The following TRIP11 variants were observed in gnomAD, a reference collection of about 807,000 sequenced individuals.
The protein encoded by TRIP11 is thyroid receptor-interacting protein 11.
A neutral mutation model predicts 223.1 loss-of-function variants in TRIP11; 148 were observed. The ratio of observed to expected loss-of-function variants is 0.66; its 90% confidence interval spans 0.58 to 0.76. The LOEUF is 0.76. Ranked by LOEUF, TRIP11 falls within the 30% of genes least tolerant of loss-of-function variation. The pLI is 0.00. For synonymous variants in TRIP11, 762 were observed against 772.6 expected (o/e 0.99, Z 0.23); for missense variants, 2,043 against 2,222.0 (o/e 0.92, Z 1.62).
intron 16 of TRIP11, among the ~76,000 whole-genome samples, chr14:91,981,412 C>A (rs1391506539): frequency 2.0e-5 from 3 of 152,012 alleles, no homozygotes; most frequent in African/African-American, 7.3e-5. Flanking sequence ...TTTTTTTAGA[C>A]AGAGTCTCGC....
chr14:92,034,943 G>A (rs1016771548), intron 1 of TRIP11, among the ~76,000 whole-genome samples: 4 of 151,926 alleles, frequency 2.6e-5, no homozygotes, highest in African/African-American at 9.6e-5. Context: ...CCTTGGTTTT[G>A]TACATTTTCA....
chr14:92,011,887 TG>T, intron 7 of TRIP11, 92 bp from the exon 8 acceptor site: 1 of 1,179,070 alleles, frequency 8.5e-7, no homozygotes, highest in Admixed American at 1.8e-5. Flanking sequence ...CCAATTAAAG[TG>T]TATATAAGCA....
At chr14:91,976,608 G>C (rs2056468052) in intron 16 of TRIP11, among the ~76,000 whole-genome samples, 1 of 152,148 alleles carries the variant, frequency 6.6e-6, no homozygotes, top group Non-Finnish European at 1.5e-5. Flanking sequence ...GCCAGACTCT[G>C]TTTTTGGTGA....
intron 16 of TRIP11, among the ~76,000 whole-genome samples, chr14:91,977,831 G>A (rs370934324): frequency 1.0e-3 from 156 of 152,144 alleles, no homozygotes; most frequent in African/African-American, 3.6e-3. Flanking sequence ...AAAATGTCTC[G>A]TTTAACTGTT....
Position 91,999,394 on chromosome 14 carries a change from C to T in TRIP11, c.4738G>A (p.Glu1580Lys). 1.2e-6 allele frequency: 2 copies of T among 1,613,810 alleles called. No homozygotes were observed. Among genetic ancestry groups the T allele is most frequent in the South Asian group, 2.2e-5 (2 of 91,074 alleles). The change falls in exon 13 of 21, where the codon GAG becomes AAG. Residue 1580 changes from glutamate to lysine, a missense_variant. Coordinates refer to ENST00000267622, the MANE Select transcript of TRIP11 (RefSeq NM_004239.4). The part of the protein sequence containing the change: ...LRDKEFRSNQ[E>K]LERLRNHLLE... ...AGATGATTACGCAATCTCTCTAGCT[C>T]TTGGTTTGAACGAAATTCTTTGTCA...
Position 92,015,761 on chromosome 14 carries a change from C to T in TRIP11, c.758G>A (p.Arg253Gln), listed in dbSNP as rs755841850. The T allele has an allele frequency of 3.7e-6, 6 of 1,613,388 alleles. No homozygotes were observed. In the South Asian group the frequency reaches 4.4e-5, roughly 12 times the overall value. The change falls in exon 6 of 21, where the codon CGA (arginine) becomes CAA (glutamine). Residue 253 changes from arginine (R) to glutamine (Q), a missense_variant. By Grantham distance (43) the Arg-to-Gln change is conservative. Coordinates refer to ENST00000267622, the MANE Select transcript of TRIP11 (RefSeq NM_004239.4). ...ATAGTCACTTAATTCTTCTCGATGT[C>T]GTCGACTTATTTCTGTCAATTTCTG... The part of the protein sequence containing the change: ...HQQKLTEISR[R>Q]HREELSDYEE...
At chr14:92,033,448 C>T (rs1595414288) in intron 1 of TRIP11, among the ~76,000 whole-genome samples, 195 bp from the exon 2 acceptor site, 1 of 152,312 alleles carries the variant, frequency 6.6e-6, no homozygotes, top group East Asian at 1.9e-4. Flanking sequence ...TCATAAAAGT[C>T]ATTCTTTTTG....
intron 1 of TRIP11, among the ~76,000 whole-genome samples, chr14:92,034,528 AAAT>A (rs936408353): frequency 1.3e-5 from 2 of 152,224 alleles, no homozygotes; most frequent in African/African-American, 2.4e-5. Context: ...CAATACTATC[AAAT>A]AATAAGTGAC....
chr14:91,994,932 T>C (rs2056729708), intron 14 of TRIP11, among the ~76,000 whole-genome samples: 1 of 152,170 alleles, frequency 6.6e-6, no homozygotes. Flanking sequence ...CAAAGAACAA[T>C]AATTAATGAT....
intron 2 of TRIP11, among the ~76,000 whole-genome samples, chr14:92,027,467 A>G (rs1001044876): frequency 1.3e-5 from 2 of 151,890 alleles, no homozygotes; most frequent in South Asian, 2.1e-4. Flanking sequence ...TTTTTTGTCT[A>G]TGAAGTTGCT....
At chr14:91,987,259 A>T (rs1303994398) in intron 16 of TRIP11, among the ~76,000 whole-genome samples, 1 of 152,112 alleles carries the variant, frequency 6.6e-6, no homozygotes, top group Non-Finnish European at 1.5e-5. Context: ...TTGCCTCAGA[A>T]TCAAGTCATT....
In TRIP11 at chr14:91,975,201, G is replaced by C. The variant is rs1339960498; in HGVS notation, c.5428C>G (p.Leu1810Val). The C allele has an allele frequency of 6.2e-7, 1 of 1,613,674 alleles. No individual in the cohort carries two copies. Among genetic ancestry groups the C allele is most frequent in the South Asian group, 1.1e-5 (1 of 91,070 alleles). ...TCCATCTCCTCCCTTCTGACGCCCA[G>C]GATGCTCCCCATTAACCGTAACACT... Reference protein sequence around the residue: ...HEVLRLMGSILGVRREEMEQL... With the variant: ...HEVLRLMGSIVGVRREEMEQL... The change falls in exon 18 of 21, where the codon CTG becomes GTG. Residue 1810 changes from leucine to valine, a missense_variant. Transcript: ENST00000267622.
chr14:91,984,376 C>T (rs1595371673), intron 16 of TRIP11, among the ~76,000 whole-genome samples: 1 of 143,494 alleles, frequency 7.0e-6, no homozygotes, highest in African/African-American at 2.7e-5. Flanking sequence ...AGTGCAGTGG[C>T]GTGATCTCAA....
rs74073635 is a variant in TRIP11, at chr14:91,994,058, C to A, written c.5057-146G>T. On this transcript the variant is annotated intron_variant, in intron 14 of 20. Coordinates refer to ENST00000267622, the MANE Select transcript of TRIP11 (RefSeq NM_004239.4). The stretch of plus-strand genomic sequence containing the variant: ...TATATGCCTTAGTGATAATGTTAAG[C>A]GGTACTAAACTAATGAGATCACTTT... 127 of 653,914 alleles carry A rather than the reference C, an allele frequency of 1.9e-4. No homozygotes were observed. In the Middle Eastern group the frequency reaches 6.7e-3, roughly 34 times the overall value. 40.5% of individuals were successfully genotyped at this position (653,914 alleles called of 1,614,324 possible).
intron 13 of TRIP11, among the ~76,000 whole-genome samples, chr14:91,997,884 A>T (rs887522837): frequency 1.3e-5 from 2 of 152,208 alleles, no homozygotes; most frequent in Non-Finnish European, 2.9e-5. Context: ...GAGACTAGAA[A>T]CTATTTTAAT....
chr14:91,972,611 C>T lies in TRIP11; in HGVS notation c.5719+106G>A, dbSNP rs140415980. On this transcript the variant is annotated intron_variant, in intron 20 of 20. Transcript: ENST00000267622. The stretch of plus-strand genomic sequence containing the variant: ...ATTGGAATTCTGGAAGTCCTGATTA[C>T]ACATTTCCAAAAATACTAAAAATTT... The T allele has an allele frequency of 1.9e-5, 23 of 1,209,268 alleles. No homozygotes were observed. The East Asian group carries it at 5.2e-4, about 27-fold the overall frequency. The allele number at this position is 1,209,268 out of a possible 1,614,324, so 74.9% of individuals were successfully genotyped here.
intron 16 of TRIP11, among the ~76,000 whole-genome samples, chr14:91,976,862 A>C (rs889304853): frequency 6.6e-6 from 1 of 152,222 alleles, no homozygotes; most frequent in Non-Finnish European, 1.5e-5. Context: ...GAATTTAAGC[A>C]GTATTAAAGG....
intron 16 of TRIP11, among the ~76,000 whole-genome samples, chr14:91,979,766 C>T (rs926301010): frequency 6.6e-6 from 1 of 152,170 alleles, no homozygotes; most frequent in Non-Finnish European, 1.5e-5. Context: ...AAGGTCCCTA[C>T]AGATGCCTCT....
rs1363291734 is a variant in TRIP11 at position 92,005,640 on chromosome 14, T to C, written c.2336A>G (p.Lys779Arg). The C allele has an allele frequency of 1.2e-6, 2 of 1,613,940 alleles. No homozygotes were observed. Among genetic ancestry groups the C allele is most frequent in the Non-Finnish European group, 1.7e-6 (2 of 1,180,024 alleles). The change falls in exon 11 of 21, where the codon AAA becomes AGA. Residue 779 changes from lysine to arginine, a missense_variant. Coordinates refer to ENST00000267622, the MANE Select transcript of TRIP11 (RefSeq NM_004239.4). ...AGTATCCATTTGTTCAATATTCTTT[T>C]TGAGTTCTGCTATTTCCATGTCTTT... ...QKKDMEIAEL[K>R]KNIEQMDTDH...
Sources: gnomAD v4.1 joint callset for allele counts (sites outside exome capture counted in the v4.1 genomes callset) on GRCh38, gnomAD v4.1.1 for gene constraint, MANE v1.5 for transcripts, NCBI Gene and HGNC (gene_info 2026-07-23, HGNC 2026-07-21) for gene names.